The following CACNA1B variants were observed in gnomAD, a reference collection of about 807,000 sequenced individuals.
CACNA1B encodes the protein voltage-dependent N-type calcium channel subunit alpha-1B.
Under a neutral mutation model 247.2 loss-of-function variants are expected in CACNA1B, and 70 were observed. That is an observed-to-expected ratio of 0.28 (90% CI 0.23 to 0.35). The LOEUF is 0.35. Ranked by LOEUF, CACNA1B falls within the 10% of genes least tolerant of loss-of-function variation. The pLI, the probability that CACNA1B is intolerant of heterozygous loss-of-function variation, is 1.00. For synonymous variants in CACNA1B, 1,231 were observed against 1,294.4 expected (o/e 0.95, Z 1.05); for missense variants, 2,367 against 3,197.4 (o/e 0.74, Z 6.26).
At chr9:137,968,016 G>A (rs543295448) in intron 10 of CACNA1B, among the ~76,000 whole-genome samples, 31 of 152,142 alleles carry the variant, frequency 2.0e-4, no homozygotes, top group Non-Finnish European at 3.7e-4. Context: ...AGTGGTTTCC[G>A]AAGAGAATTT....
intron 2 of CACNA1B, 144 bp downstream of exon 2, chr9:137,879,303 C>A (rs2133214825): frequency 1.6e-6 from 1 of 616,018 alleles, no homozygotes; most frequent in African/African-American, 1.8e-5. Context: ...GTAGGCCTGG[C>A]AGATAACACC....
At chr9:138,061,888 G>A (rs987558295) in intron 31 of CACNA1B, among the ~76,000 whole-genome samples, 3 of 152,228 alleles carry the variant, frequency 2.0e-5, no homozygotes, top group South Asian at 4.1e-4. Context: ...GTAGATAATC[G>A]TCAGTGGTCA....
chr9:137,955,513 C>CTCTGGAGTGCTCA lies in CACNA1B; in HGVS notation c.1071-171_1071-159dup, dbSNP rs1228157818. ...TGGGTGCCCAGGGAGCTGTCTGGTG[C>CTCTGGAGTGCTCA]TCTGGAGTGCTCATCTGGAGTGCTC... On this transcript the variant is annotated intron_variant, in intron 7 of 46. Coordinates refer to ENST00000371372, the MANE Select transcript of CACNA1B (RefSeq NM_000718.4). The surrounding 1 kb of genome is among the most constrained non-coding windows in gnomAD (Gnocchi z 6.9). 6.6e-6 allele frequency among the ~76,000 whole-genome samples: 1 copy of CTCTGGAGTGCTCA among 152,208 alleles called. No homozygotes were observed. The highest frequency in any genetic ancestry group is 1.5e-5 in the Non-Finnish European group (1 of 68,034).
At position 137,878,231 on chromosome 9, in the gene CACNA1B, CGG is replaced by C; in HGVS notation, c.284+17_284+18del. The C allele has an allele frequency of 4.5e-6, 1 of 220,718 alleles. No homozygotes were observed. Among genetic ancestry groups the C allele is most frequent in the Non-Finnish European group, 7.4e-6 (1 of 134,834 alleles). The allele number at this position is 220,718 out of a possible 1,614,324, so 13.7% of individuals were successfully genotyped here. On this transcript the variant is annotated intron_variant, in intron 1 of 46. Transcript: ENST00000371372. ...CACCGAGTGGCCATATCCTGCCGGG[CGG>C]GGCCGGGCGGGGCCGGGCGGGGACC...
intron 15 of CACNA1B, among the ~76,000 whole-genome samples, chr9:137,999,841 G>A (rs1362960811): frequency 6.6e-6 from 1 of 152,080 alleles, no homozygotes; most frequent in Non-Finnish European, 1.5e-5. Context: ...TCTAGAAGAA[G>A]GAATAATAAA....
chr9:137,936,912 G>A (rs554680417), intron 6 of CACNA1B, among the ~76,000 whole-genome samples: 40 of 152,334 alleles, frequency 2.6e-4, no homozygotes, highest in Middle Eastern at 3.4e-3. Context: ...GTCAGGTAGC[G>A]TGACGCTTCC....
At chr9:138,118,546 A>G in intron 43 of CACNA1B, 106 bp from the exon 44 acceptor site, 2 of 615,024 alleles carry the variant, frequency 3.3e-6, no homozygotes, top group South Asian at 3.9e-5. Context: ...TGAGACTGAG[A>G]TGGATTTGGG....
At chr9:138,105,351 T>G (rs1227781032) in intron 38 of CACNA1B, among the ~76,000 whole-genome samples, 1 of 152,094 alleles carries the variant, frequency 6.6e-6, no homozygotes, top group Non-Finnish European at 1.5e-5. Flanking sequence ...TGGCTGCTGC[T>G]CCTCCTCCCC....
intron 10 of CACNA1B, among the ~76,000 whole-genome samples, chr9:137,961,191 C>G (rs530480222): frequency 6.6e-6 from 1 of 152,122 alleles, no homozygotes; most frequent in African/African-American, 2.4e-5. Flanking sequence ...TAATTTGGCT[C>G]TCAGCTTGCC....
rs1961287104 is a variant in CACNA1B at position 138,102,562 on chromosome 9, T to G, written c.5223-149T>G. 3.7e-6 allele frequency: 2 copies of G among 538,084 alleles called. No homozygotes were observed. Among genetic ancestry groups the G allele is most frequent in the South Asian group, 2.5e-5 (1 of 40,302 alleles). The allele number at this position is 538,084 out of a possible 1,614,324, so 33.3% of individuals were successfully genotyped here. ...CATTTTATTTATTTTGATTTTGGGC[T>G]TTGAATCCGACACTTTGATTAACTG... On this transcript the variant is annotated intron_variant, in intron 37 of 46. Transcript: ENST00000371372. The surrounding 1 kb of genome is among the most constrained non-coding windows in gnomAD (Gnocchi z 5.4).
Position 137,971,698 on chromosome 9 carries a change from C to T in CACNA1B, c.1543+106C>T. ...CTACCCCAGGTGGGACGGGACCCAC[C>T]CCCATGTTGCTCAAAGTATCCCACA... On this transcript the variant is annotated intron_variant, in intron 11 of 46. Transcript: ENST00000371372. This position sits in a 1 kb window ranked among gnomAD's most constrained non-coding sequence, Gnocchi z 4.4. 6 of 908,604 alleles carry T rather than the reference C, an allele frequency of 6.6e-6. No homozygotes were observed. The highest frequency in any genetic ancestry group is 1.0e-5 in the Non-Finnish European group (6 of 589,052). The allele number at this position is 908,604 out of a possible 1,614,324, so 56.3% of individuals were successfully genotyped here.
chr9:137,882,348 C>T lies in CACNA1B; in HGVS notation c.391-396C>T, dbSNP rs1054763255. On this transcript the variant is annotated intron_variant, in intron 2 of 46. Coordinates refer to ENST00000371372, the MANE Select transcript of CACNA1B (RefSeq NM_000718.4). The surrounding 1 kb of genome is among the most constrained non-coding windows in gnomAD (Gnocchi z 4.0). The stretch of plus-strand genomic sequence containing the variant: ...CCCTAGTTGATAAAGGAAAAACTAC[C>T]TGATAAGCACCCACAACTAGTACTG... 6.6e-6 allele frequency among the ~76,000 whole-genome samples: 1 copy of T among 152,168 alleles called. No homozygotes were observed. Among genetic ancestry groups the T allele is most frequent in the Non-Finnish European group, 1.5e-5 (1 of 68,038 alleles).
chr9:138,121,766 C>T lies in CACNA1B; in HGVS notation c.6787C>T (p.Arg2263Cys), dbSNP rs769638780. 15 of 1,613,110 alleles carry T rather than the reference C, an allele frequency of 9.3e-6. No homozygotes were observed. Among genetic ancestry groups the T allele is most frequent in the Admixed American group, 5.0e-5 (3 of 60,004 alleles). Residue 2263 changes from arginine (R) to cysteine (C), a missense_variant, in exon 47 of 47, where the codon CGT becomes TGT. Around this residue, in one of 12 missense-constraint regions of CACNA1B, gnomAD observed 773 missense variants for 779.4 expected, o/e 0.99. Transcript: ENST00000371372. This position sits in a 1 kb window ranked among gnomAD's most constrained non-coding sequence, Gnocchi z 6.8. ...TGGCTCTGACCCTTACCTGGGGCAG[C>T]GTCTGGACAGTGAGGCCTCTGTCCA... is the stretch of plus-strand genomic sequence containing the variant. ...RIGSDPYLGQ[R>C]LDSEASVHAL...
At chr9:138,030,778 G>T (rs1013719365) in intron 20 of CACNA1B, among the ~76,000 whole-genome samples, 12 of 152,140 alleles carry the variant, frequency 7.9e-5, no homozygotes, top group South Asian at 2.1e-4. Flanking sequence ...CATATTGGAT[G>T]AGTTGTAGTA....
intron 36 of CACNA1B, among the ~76,000 whole-genome samples, chr9:138,078,840 G>T (rs1469644914): frequency 6.6e-6 from 1 of 152,184 alleles, no homozygotes; most frequent in African/African-American, 2.4e-5. Context: ...AGTAGAGCTG[G>T]CACGATTGAT....
At chr9:137,953,155 A>G (rs1166172998) in intron 7 of CACNA1B, among the ~76,000 whole-genome samples, 2 of 152,186 alleles carry the variant, frequency 1.3e-5, no homozygotes, top group African/African-American at 4.8e-5. Context: ...AGAGCTGAAG[A>G]GATGCCATGT....
intron 18 of CACNA1B, 60 bp downstream of exon 18, chr9:138,013,295 T>C (rs918315996): frequency 7.9e-5 from 104 of 1,319,364 alleles, no homozygotes; most frequent in Middle Eastern, 5.3e-4. Flanking sequence ...GTCCCATGGC[T>C]GGGCCCTCCC....
At chr9:137,947,177 T>C (rs1160100419) in intron 6 of CACNA1B, among the ~76,000 whole-genome samples, 1 of 152,176 alleles carries the variant, frequency 6.6e-6, no homozygotes, top group Non-Finnish European at 1.5e-5. Flanking sequence ...AATCAAAGGC[T>C]GAAGTGAAGT....
chr9:137,951,939 T>A (rs1957882150), intron 6 of CACNA1B, among the ~76,000 whole-genome samples: 1 of 152,146 alleles, frequency 6.6e-6, no homozygotes, highest in African/African-American at 2.4e-5. Context: ...GGTTGGGTGC[T>A]CATGCCACCT....
Sources: gnomAD v4.1 joint callset for allele counts (sites outside exome capture counted in the v4.1 genomes callset) on GRCh38, gnomAD v4.1.1 for gene constraint, gnomAD v4.1.1 regional missense constraint, Gnocchi (gnomAD v3.1) non-coding constraint, MANE v1.5 for transcripts, NCBI Gene and HGNC (gene_info 2026-07-23, HGNC 2026-07-21) for gene names.